The following FHIT variants were observed in gnomAD, a reference collection of about 807,000 sequenced individuals.
FHIT encodes the protein bis(5'-adenosyl)-triphosphatase.
FHIT carries 19 observed loss-of-function variants against 17.9 expected under a neutral mutation model. The ratio of observed to expected loss-of-function variants is 1.06; its 90% CI spans 0.74 to 1.56. The LOEUF (loss-of-function observed/expected upper bound fraction) is 1.56, where lower values mean the gene tolerates loss of function less well. Ranked by LOEUF, FHIT falls within the 40% of genes most tolerant of loss-of-function variation. The probability of loss-of-function intolerance (pLI) is 0.00; values close to 1 mark genes in which losing one functional copy is unlikely to be tolerated. For missense variants in FHIT, 248 were observed against 189.2 expected, an observed-to-expected ratio of 1.31 and a Z score of -1.82; for synonymous variants, 81 against 69.7, an observed-to-expected ratio of 1.16 and a Z score of -0.81.
chr3:60,033,192 T>G (rs1156843937), intron 5 of FHIT, among the ~76,000 whole-genome samples: 1 of 152,142 alleles, frequency 6.6e-6, no homozygotes, highest in Admixed American at 6.5e-5. Context: ...AAATTCCTAT[T>G]AATTTTGTGA....
At chr3:60,422,019 G>C (rs1283786371) in intron 5 of FHIT, among the ~76,000 whole-genome samples, 1 of 152,140 alleles carries the variant, frequency 6.6e-6, no homozygotes, top group African/African-American at 2.4e-5. Flanking sequence ...ACATATTGGA[G>C]AGCTCTTAGG....
chr3:61,011,203 G>C (rs1054264726), intron 3 of FHIT, among the ~76,000 whole-genome samples: 1 of 152,154 alleles, frequency 6.6e-6, no homozygotes, highest in Non-Finnish European at 1.5e-5. Context: ...AACTGTGGTT[G>C]TGGAATTCCA....
intron 4 of FHIT, among the ~76,000 whole-genome samples, chr3:60,604,474 A>C (rs550470859): frequency 1.3e-5 from 2 of 152,270 alleles, no homozygotes; most frequent in South Asian, 4.2e-4. Flanking sequence ...CCAGACATGC[A>C]TTTTTGCCGC....
intron 5 of FHIT, among the ~76,000 whole-genome samples, chr3:60,138,289 G>C (rs1699898700): frequency 6.6e-6 from 1 of 152,170 alleles, no homozygotes; most frequent in African/African-American, 2.4e-5. Context: ...CCAAGGGAAT[G>C]AGTGACTAGA....
At chr3:61,210,822 C>G (rs2039440953) in intron 1 of FHIT, among the ~76,000 whole-genome samples, 1 of 151,840 alleles carries the variant, frequency 6.6e-6, no homozygotes, top group Admixed American at 6.6e-5. Context: ...CCTGCACCCA[C>G]TGTATTGCAC....
At chr3:60,960,590 AGGCCCCGGTGTGT>A (rs370448473) in intron 3 of FHIT, among the ~76,000 whole-genome samples, 10,673 of 151,932 alleles carry the variant, frequency 0.07, 563 homozygotes, top group East Asian at 0.18. Flanking sequence ...ACCCCACAAC[AGGCCCCGGTGTGT>A]GGCCCCGGTG....
intron 2 of FHIT, among the ~76,000 whole-genome samples, chr3:61,061,077 T>C (rs1330696420): frequency 6.6e-6 from 1 of 152,240 alleles, no homozygotes; most frequent in Non-Finnish European, 1.5e-5. Flanking sequence ...ATGAACTATA[T>C]ATAATTGTCG....
At chr3:60,791,800 A>G (rs1240275710) in intron 4 of FHIT, among the ~76,000 whole-genome samples, 1 of 152,354 alleles carries the variant, frequency 6.6e-6, no homozygotes, top group South Asian at 2.1e-4. Flanking sequence ...GTTAAGCCCC[A>G]CTTTTCTAAA....
At chr3:60,248,152 G>A (rs1447965607) in intron 5 of FHIT, among the ~76,000 whole-genome samples, 5 of 152,032 alleles carry the variant, frequency 3.3e-5, no homozygotes, top group Admixed American at 6.6e-5. Context: ...GCTGTAAAAC[G>A]TCCTCAAAGT....
At chr3:60,022,920 T>C (rs1334552466) in intron 5 of FHIT, among the ~76,000 whole-genome samples, 1 of 152,222 alleles carries the variant, frequency 6.6e-6, no homozygotes, top group African/African-American at 2.4e-5. Flanking sequence ...TCTATTATTA[T>C]TGTTATTGTC....
In FHIT at chr3:60,219,881, C is replaced by T. The variant is rs143331207; in HGVS notation, c.104-205729G>A. On this transcript the variant is annotated intron_variant, in intron 5 of 9. Coordinates refer to ENST00000492590, the MANE Select transcript of FHIT (RefSeq NM_002012.4). ...GGATAAAAATTGCATAAGATTCAGA[C>T]GCTACTCAACCTGGATCTGCCTTAC... Among the ~76,000 whole-genome samples, 7 of 152,214 alleles carry T rather than the reference C, an allele frequency of 4.6e-5. No homozygotes were observed. The East Asian group carries it at 7.7e-4, about 17-fold the overall frequency.
chr3:60,610,800 G>C (rs1042350270), intron 4 of FHIT, among the ~76,000 whole-genome samples: 1 of 152,214 alleles, frequency 6.6e-6, no homozygotes, highest in African/African-American at 2.4e-5. Flanking sequence ...AGTTATGCAA[G>C]AACACAATGC....
intron 7 of FHIT, among the ~76,000 whole-genome samples, chr3:59,934,103 TG>T (rs1330680567): frequency 2.0e-5 from 3 of 152,172 alleles, no homozygotes; most frequent in Admixed American, 1.3e-4. Context: ...TAATAGCTGT[TG>T]CTATTTATTA....
chr3:60,923,566 A>G (rs1317090980), intron 3 of FHIT, among the ~76,000 whole-genome samples: 1 of 152,194 alleles, frequency 6.6e-6, no homozygotes, highest in Non-Finnish European at 1.5e-5. Context: ...TATTTAAAAC[A>G]TATTCACGAG....
chr3:60,167,896 G>C (rs1224598149), intron 5 of FHIT, among the ~76,000 whole-genome samples: 1 of 152,112 alleles, frequency 6.6e-6, no homozygotes, highest in Non-Finnish European at 1.5e-5. Flanking sequence ...GCCAGGTGTA[G>C]TGGTATGCGC....
intron 4 of FHIT, among the ~76,000 whole-genome samples, chr3:60,600,773 T>C (rs1166890347): frequency 1.3e-5 from 2 of 152,218 alleles, no homozygotes; most frequent in South Asian, 2.1e-4. Flanking sequence ...AACTTTGTTA[T>C]AGAAGCTCCT....
intron 3 of FHIT, among the ~76,000 whole-genome samples, chr3:60,842,484 T>C (rs1326105756): frequency 6.6e-6 from 1 of 151,656 alleles, no homozygotes; most frequent in African/African-American, 2.4e-5. Context: ...CAAGGACCCA[T>C]AGGCTTCTTC....
chr3:61,106,524 TTTAA>T (rs1310153253), intron 2 of FHIT, among the ~76,000 whole-genome samples: 1 of 152,208 alleles, frequency 6.6e-6, no homozygotes, highest in Non-Finnish European at 1.5e-5. Context: ...GCTTGGCTTT[TTTAA>T]TTAATTAATT....
In FHIT at chr3:60,448,325, C is replaced by CA. The variant is rs565828345; in HGVS notation, c.103+88534dup. 4.4e-4 allele frequency among the ~76,000 whole-genome samples: 66 copies of CA among 151,422 alleles called. No individual in the cohort carries two copies. In the East Asian group the frequency reaches 0.011, roughly 24 times the overall value. On this transcript the variant is annotated intron_variant, in intron 5 of 9. Coordinates refer to ENST00000492590, the MANE Select transcript of FHIT (RefSeq NM_002012.4). ...TAATTATCAAGTGTTAAGATGGAGTCAAAAAAAATCACACAAAAAAACTTA... is the reference window on the plus strand; with the variant it reads ...TAATTATCAAGTGTTAAGATGGAGTCAAAAAAAAATCACACAAAAAAACTTA...
Sources: gnomAD v4.1 joint callset for allele counts (sites outside exome capture counted in the v4.1 genomes callset) on GRCh38, gnomAD v4.1.1 for gene constraint, MANE v1.5 for transcripts, NCBI Gene and HGNC (gene_info 2026-07-23, HGNC 2026-07-21) for gene names.